Variants in HIVEP3 observed in about 807,000 individuals in gnomAD.
HIVEP3 encodes the protein transcription factor HIVEP3.
In HIVEP3, 49 loss-of-function variants were observed where a neutral mutation model predicts 152.8. The observed-to-expected ratio is 0.32, with a 90% CI of 0.26 to 0.41. The LOEUF (loss-of-function observed/expected upper bound fraction) is 0.41, where lower values mean the gene tolerates loss of function less well. Ranked by LOEUF, HIVEP3 falls within the 10% of genes least tolerant of loss-of-function variation. The pLI is 1.00. For synonymous variants in HIVEP3, 1,269 were observed against 1,289.0 expected (o/e 0.98, Z 0.33); for missense variants, 2,790 against 3,103.3 (o/e 0.90, Z 2.40).
At chr1:41,564,637 TGAAGGAAAA>T (rs1391524902) in intron 5 of HIVEP3, among the ~76,000 whole-genome samples, 4 of 152,186 alleles carry the variant, frequency 2.6e-5, no homozygotes, top group Non-Finnish European at 5.9e-5. Context: ...TTGACAATAC[TGAAGGAAAA>T]TGATTTCCAC....
chr1:41,744,141 C>T (rs537222064), intron 1 of HIVEP3, among the ~76,000 whole-genome samples: 8 of 152,026 alleles, frequency 5.3e-5, no homozygotes, highest in Non-Finnish European at 7.4e-5. Context: ...CAGGTTCAAG[C>T]GATTCTCCTG....
intron 8 of HIVEP3, among the ~76,000 whole-genome samples, chr1:41,512,448 G>A (rs532921292): frequency 6.6e-6 from 1 of 152,166 alleles, no homozygotes; most frequent in Non-Finnish European, 1.5e-5. Context: ...CTGGCACCAC[G>A]CTTCCTGTAC....
At chr1:41,809,658 T>A (rs1422590959) in intron 1 of HIVEP3, among the ~76,000 whole-genome samples, 1 of 152,244 alleles carries the variant, frequency 6.6e-6, no homozygotes, top group Non-Finnish European at 1.5e-5. Context: ...CAAATCACTT[T>A]TAATGAAAAG....
intron 1 of HIVEP3, among the ~76,000 whole-genome samples, chr1:41,911,833 C>G (rs1188836884): frequency 6.6e-6 from 1 of 152,126 alleles, no homozygotes; most frequent in Non-Finnish European, 1.5e-5. Context: ...AGAGCTGGTA[C>G]CCAAGACCCC....
intron 3 of HIVEP3, among the ~76,000 whole-genome samples, chr1:41,594,059 AC>A (rs147538172): frequency 0.011 from 1,695 of 152,268 alleles, 32 homozygotes; most frequent in African/African-American, 0.039. Context: ...CATTGAGTCC[AC>A]CTGGATAATC....
chr1:41,943,357 A>G (rs1453766694), intron 1 of HIVEP3, among the ~76,000 whole-genome samples: 1 of 152,240 alleles, frequency 6.6e-6, no homozygotes, highest in African/African-American at 2.4e-5. Context: ...TATAGTTTTA[A>G]GTTCAAAATC....
intron 1 of HIVEP3, among the ~76,000 whole-genome samples, chr1:41,871,348 T>C (rs576876626): frequency 1.9e-4 from 29 of 151,916 alleles, no homozygotes; most frequent in Non-Finnish European, 3.1e-4. Context: ...ATGACGAACA[T>C]GCATTTAAAG....
chr1:41,987,138 T>C (rs1219426745), intron 1 of HIVEP3, among the ~76,000 whole-genome samples: 1 of 152,212 alleles, frequency 6.6e-6, no homozygotes, highest in South Asian at 2.1e-4. Context: ...AATGAAACAA[T>C]GTTTCTGCCC....
chr1:41,784,577 C>T (rs749134333), intron 1 of HIVEP3, among the ~76,000 whole-genome samples: 25 of 152,174 alleles, frequency 1.6e-4, no homozygotes, highest in Non-Finnish European at 3.1e-4. Flanking sequence ...GGGGAGCTTA[C>T]ACTTATGCAC....
intron 1 of HIVEP3, among the ~76,000 whole-genome samples, chr1:41,813,620 G>A (rs1334395547): frequency 1.3e-5 from 2 of 152,192 alleles, no homozygotes; most frequent in East Asian, 1.9e-4. Flanking sequence ...GATCTTCTAC[G>A]CCAAAGGGAG....
At chr1:41,785,189 G>A (rs1356961243) in intron 1 of HIVEP3, among the ~76,000 whole-genome samples, 1 of 152,044 alleles carries the variant, frequency 6.6e-6, no homozygotes, top group East Asian at 1.9e-4. Flanking sequence ...AAGCTCTTCT[G>A]AGCCCCTCTT....
Position 41,969,631 on chromosome 1 carries a change from TCAGGA to T in HIVEP3, n.120-51112_120-51108del. ...TAGAAGAAAATCTAGGAAATACCATTCAGGACACAGGCATGAGCAAAGATTTCATG... is the reference window on the plus strand; with the variant it reads ...TAGAAGAAAATCTAGGAAATACCATTCACAGGCATGAGCAAAGATTTCATG... On this transcript the variant is annotated intron_variant and non_coding_transcript_variant, in intron 1 of 3. Coordinates refer to the HIVEP3 transcript ENST00000489103. 2.6e-5 allele frequency among the ~76,000 whole-genome samples: 4 copies of T among 152,218 alleles called. No individual in the cohort carries two copies. In the South Asian group the frequency reaches 8.3e-4, roughly 32 times the overall value.
intron 1 of HIVEP3, among the ~76,000 whole-genome samples, chr1:41,981,180 C>A (rs1455148444): frequency 6.6e-6 from 1 of 152,156 alleles, no homozygotes; most frequent in African/African-American, 2.4e-5. Context: ...AAGCAAACAA[C>A]AAGAGGAAGA....
chr1:41,517,048 A>T (rs1186548218), intron 7 of HIVEP3, among the ~76,000 whole-genome samples: 2 of 152,222 alleles, frequency 1.3e-5, no homozygotes, highest in Non-Finnish European at 2.9e-5. Context: ...AGGCACAGAG[A>T]CTGTGCCCAG....
intron 1 of HIVEP3, among the ~76,000 whole-genome samples, chr1:41,759,905 G>T (rs1361272364): frequency 6.6e-6 from 1 of 152,200 alleles, no homozygotes; most frequent in Non-Finnish European, 1.5e-5. Context: ...AAAACGAGAG[G>T]TGCCATATTA....
chr1:41,823,798 T>C (rs527383257), intron 1 of HIVEP3, among the ~76,000 whole-genome samples: 3 of 152,166 alleles, frequency 2.0e-5, no homozygotes, highest in Non-Finnish European at 4.4e-5. Flanking sequence ...TTCCTTCTGG[T>C]GTCACTGGGG....
chr1:41,624,083 C>T (rs1645083222), intron 3 of HIVEP3, among the ~76,000 whole-genome samples: 1 of 152,204 alleles, frequency 6.6e-6, no homozygotes, highest in African/African-American at 2.4e-5. Flanking sequence ...GCTCACATGG[C>T]CTCCCTGGGT....
At chr1:41,925,036 C>A (rs1644960817) in intron 1 of HIVEP3, among the ~76,000 whole-genome samples, 1 of 152,220 alleles carries the variant, frequency 6.6e-6, no homozygotes, top group Non-Finnish European at 1.5e-5. Flanking sequence ...CACCACCATG[C>A]TTGTTCTAGA....
chr1:41,624,278 T>C (rs1454706694), intron 3 of HIVEP3, among the ~76,000 whole-genome samples: 3 of 152,180 alleles, frequency 2.0e-5, no homozygotes, highest in African/African-American at 7.2e-5. Flanking sequence ...CAAATTGTGT[T>C]CCATGAAAGT....
Sources: allele counts gnomAD v4.1 joint callset (sites outside exome capture counted in the v4.1 genomes callset), GRCh38; gene constraint gnomAD v4.1.1; transcripts MANE v1.5; gene names NCBI Gene and HGNC (gene_info 2026-07-23, HGNC 2026-07-21).